LRIG1: variants seen among roughly 807,000 people sequenced by gnomAD.
LRIG1 encodes leucine-rich repeats and immunoglobulin-like domains protein 1.
A neutral mutation model predicts 99.2 loss-of-function variants in LRIG1; 48 were observed. That is an observed-to-expected ratio of 0.48 (90% CI 0.38 to 0.62). The LOEUF (loss-of-function observed/expected upper bound fraction) is 0.62, where lower values mean the gene tolerates loss of function less well. LRIG1 is among the 20% of genes least tolerant of loss of function. The pLI is 0.00. For synonymous variants in LRIG1, 772 were observed against 596.1 expected (o/e 1.29, Z -4.30); for missense variants, 1,646 against 1,434.4 (o/e 1.15, Z -2.38).
Position 66,383,028 on chromosome 3 carries a change from G to A in LRIG1, c.2445C>T (p.Ile815=), listed in dbSNP as rs1701174099. 1.2e-6 allele frequency: 2 copies of A among 1,614,190 alleles called. No individual in the cohort carries two copies. Among genetic ancestry groups the A allele is most frequent in the Non-Finnish European group, 1.7e-6 (2 of 1,180,018 alleles). Residue 815 remains isoleucine (I), a synonymous_variant, in exon 15 of 19, where the codon ATC becomes ATT. Coordinates refer to ENST00000273261, the MANE Select transcript of LRIG1 (RefSeq NM_015541.3). ...CTTCACTCTTCTTCCTGGTCTGGTA[G>A]ATGATGCACACCCAGACCAGTGACG... ...VLTSLVWVCI[I]YQTRKKSEEY... is the part of the protein sequence containing the mutation.
chr3:66,490,345 T>G (rs1701074665), intron 1 of LRIG1, among the ~76,000 whole-genome samples: 2 of 152,210 alleles, frequency 1.3e-5, no homozygotes, highest in South Asian at 2.1e-4. Context: ...ATCACTTCAT[T>G]GCATCAACAA....
chr3:66,472,704 A>G (rs1309674308), intron 1 of LRIG1, among the ~76,000 whole-genome samples: 2 of 152,234 alleles, frequency 1.3e-5, no homozygotes, highest in African/African-American at 4.8e-5. Context: ...AAAATTCTAT[A>G]GCAGTGACTC....
chr3:66,489,525 ATGTGTG>A (rs56128311), intron 1 of LRIG1, among the ~76,000 whole-genome samples: 124,360 of 150,282 alleles, frequency 0.83, 53,321 homozygotes, highest in Non-Finnish European at 0.95. Context: ...CTTTGTGTGT[ATGTGTG>A]TGTGTGTGTG....
chr3:66,415,751 A>T (rs550683129), intron 4 of LRIG1, among the ~76,000 whole-genome samples: 1 of 152,332 alleles, frequency 6.6e-6, no homozygotes, highest in South Asian at 2.1e-4. Flanking sequence ...TGCAGCTCAG[A>T]TCTGTGCATC....
At chr3:66,433,031 T>G (rs536139415) in intron 3 of LRIG1, among the ~76,000 whole-genome samples, 1 of 152,282 alleles carries the variant, frequency 6.6e-6, no homozygotes, top group African/African-American at 2.4e-5. Context: ...CTATTTATAT[T>G]TAGGATGACT....
At chr3:66,442,440 TGAGGAGGGGGAG>T (rs1553720703) in intron 3 of LRIG1, among the ~76,000 whole-genome samples, 2 of 150,194 alleles carry the variant, frequency 1.3e-5, no homozygotes, top group Admixed American at 1.3e-4. Context: ...CTGCAGGAAG[TGAGGAGGGGGAG>T]GAGGAGGAGG....
chr3:66,473,410 T>G (rs1700647862), intron 1 of LRIG1, among the ~76,000 whole-genome samples: 1 of 152,200 alleles, frequency 6.6e-6, no homozygotes, highest in South Asian at 2.1e-4. Context: ...TTCAACTGTG[T>G]GACATCACAC....
intron 1 of LRIG1, among the ~76,000 whole-genome samples, chr3:66,484,746 A>C (rs763736493): frequency 6.6e-6 from 1 of 152,162 alleles, no homozygotes; most frequent in African/African-American, 2.4e-5. Context: ...CTCTGCAAAG[A>C]CCCCTACAGC....
chr3:66,493,599 A>T (rs1701153682), intron 1 of LRIG1, among the ~76,000 whole-genome samples: 1 of 152,106 alleles, frequency 6.6e-6, no homozygotes, highest in Admixed American at 6.6e-5. Context: ...CACAGCAGAA[A>T]GGTAAACATT....
chr3:66,439,348 T>G (rs1703466281), intron 3 of LRIG1, among the ~76,000 whole-genome samples: 3 of 152,376 alleles, frequency 2.0e-5, no homozygotes, highest in Admixed American at 6.5e-5. Context: ...ACATTTGATT[T>G]GCAGAAAAGT....
chr3:66,496,029 T>C (rs1008550932), intron 1 of LRIG1, among the ~76,000 whole-genome samples: 9 of 152,188 alleles, frequency 5.9e-5, no homozygotes, highest in African/African-American at 2.2e-4. Context: ...GCTGGGGAGA[T>C]GGGACATGAG....
At position 66,432,286 on chromosome 3, in the gene LRIG1, G is replaced by A. The variant is rs187097459; in HGVS notation, c.366-15020C>T. Reference sequence around the variant, plus strand: ...ACTTCAAAGGGCCTTTGTAGCCGGAGTCTGGAATGGAGCCCTGGTGCTTCT... The same window carrying A: ...ACTTCAAAGGGCCTTTGTAGCCGGAATCTGGAATGGAGCCCTGGTGCTTCT... On this transcript the variant is annotated intron_variant, in intron 3 of 18. Transcript: ENST00000273261. Among the ~76,000 whole-genome samples the A allele has an allele frequency of 1.3e-3, 202 of 152,308 alleles. 1 individual carries two copies. Among genetic ancestry groups the A allele is most frequent in the African/African-American group, 4.6e-3 (190 of 41,568 alleles).
chr3:66,435,028 T>A (rs1479989854), intron 3 of LRIG1, among the ~76,000 whole-genome samples: 3 of 151,952 alleles, frequency 2.0e-5, no homozygotes, highest in Non-Finnish European at 4.4e-5. Context: ...AGCCCCAAAC[T>A]GGAAACATTC....
At position 66,409,535 on chromosome 3, in the gene LRIG1, C is replaced by G. The variant is rs117528081; in HGVS notation, c.935+594G>C. On this transcript the variant is annotated intron_variant, in intron 7 of 18. Coordinates refer to ENST00000273261, the MANE Select transcript of LRIG1 (RefSeq NM_015541.3). ...GAGGACCACACCACACATCTCTGAACTAAGCACGCACACGACTGCACAGGA... is the reference window on the plus strand; with the variant it reads ...GAGGACCACACCACACATCTCTGAAGTAAGCACGCACACGACTGCACAGGA... 3.0e-3 allele frequency among the ~76,000 whole-genome samples: 463 copies of G among 152,364 alleles called. 2 individuals carry two copies. Among genetic ancestry groups the G allele is most frequent in the East Asian group, 0.018 (92 of 5,182 alleles).
intron 1 of LRIG1, among the ~76,000 whole-genome samples, chr3:66,464,013 T>C (rs1303582739): frequency 6.6e-6 from 1 of 152,236 alleles, no homozygotes; most frequent in Non-Finnish European, 1.5e-5. Flanking sequence ...AAGTGTGAGC[T>C]TGTCTGTGCC....
Position 66,500,708 on chromosome 3 carries a change from T to G in LRIG1, c.-301A>C. The G allele has an allele frequency of 4.8e-6, 1 of 209,036 alleles. No homozygotes were observed. The highest frequency in any genetic ancestry group is 9.5e-6 in the Non-Finnish European group (1 of 105,402). 12.9% of individuals were successfully genotyped at this position (209,036 alleles called of 1,614,324 possible). ...AGGTGTACCCAGCCTGCGCTCTTCG[T>G]CCGCCCGGGGCACGCCGAGTGCCGC... On this transcript the variant is annotated 5_prime_UTR_variant, in exon 1 of 19. Coordinates refer to ENST00000273261, the MANE Select transcript of LRIG1 (RefSeq NM_015541.3).
chr3:66,457,288 C>A (rs1264363236), intron 2 of LRIG1, among the ~76,000 whole-genome samples: 14 of 151,848 alleles, frequency 9.2e-5, no homozygotes, highest in Admixed American at 9.2e-4. Context: ...CACCTCCCCA[C>A]CCCTCAACAC....
intron 1 of LRIG1, among the ~76,000 whole-genome samples, chr3:66,493,728 T>G (rs533293724): frequency 3.3e-5 from 5 of 151,946 alleles, no homozygotes; most frequent in Non-Finnish European, 1.5e-5. Context: ...CCCACGAGGC[T>G]GAGGCTGCAG....
Position 66,500,645 on chromosome 3 carries a change from C to G in LRIG1, c.-238G>C, listed in dbSNP as rs1369382885. The stretch of plus-strand genomic sequence containing the variant: ...CCCCGCGCCCATCCGGGCCGGCCGG[C>G]CCGCCCGCGCTAGCTGCGAACTCCG... On this transcript the variant is annotated 5_prime_UTR_variant, in exon 1 of 19. Coordinates refer to ENST00000273261, the MANE Select transcript of LRIG1 (RefSeq NM_015541.3). 6.5e-6 allele frequency: 2 copies of G among 309,580 alleles called. No homozygotes were observed. The highest frequency in any genetic ancestry group is 2.2e-5 in the African/African-American group (1 of 45,418). 19.2% of individuals were successfully genotyped at this position (309,580 alleles called of 1,614,324 possible). A position where few individuals can be genotyped will look rare whatever the true frequency, so the allele number is the denominator to read the frequency against.
Sources: allele counts gnomAD v4.1 joint callset (sites outside exome capture counted in the v4.1 genomes callset), GRCh38; gene constraint gnomAD v4.1.1; transcripts MANE v1.5; gene names NCBI Gene and HGNC (gene_info 2026-07-23, HGNC 2026-07-21).